The following MAP4K3 variants were observed in gnomAD, a reference collection of about 807,000 sequenced individuals.
The protein encoded by MAP4K3 is MAPK/ERK kinase kinase kinase 3.
A neutral mutation model predicts 143.5 loss-of-function variants in MAP4K3; 94 were observed. The observed-to-expected ratio is 0.65, with a 90% CI of 0.55 to 0.78. The LOEUF (loss-of-function observed/expected upper bound fraction) is 0.78. Ranked by LOEUF, MAP4K3 falls within the 30% of genes least tolerant of loss-of-function variation. The pLI is 0.00. For synonymous variants in MAP4K3, 416 were observed against 347.2 expected (o/e 1.20, Z -2.20); for missense variants, 1,077 against 1,068.1 (o/e 1.01, Z -0.12).
chr2:39,401,270 T>C (rs1446861699), intron 1 of MAP4K3, among the ~76,000 whole-genome samples: 1 of 152,052 alleles, frequency 6.6e-6, no homozygotes, highest in Non-Finnish European at 1.5e-5. Flanking sequence ...CCAATCCCCA[T>C]ATCCTTGTGA....
rs979288002 is a variant in MAP4K3 at position 39,273,153 on chromosome 2, C to A, written c.1795-611G>T. On this transcript the variant is annotated intron_variant, in intron 24 of 33. Coordinates refer to ENST00000263881, the MANE Select transcript of MAP4K3 (RefSeq NM_003618.4). ...GCCTGAAAGTGGTCACAACTTAGAG[C>A]AAAGAAAAAGGAATTTCATGGAACA... is the stretch of plus-strand genomic sequence containing the variant. Among the ~76,000 whole-genome samples, 5 of 151,788 alleles carry A rather than the reference C, an allele frequency of 3.3e-5. 1 individual carries two copies. Among genetic ancestry groups the A allele is most frequent in the Admixed American group, 2.0e-4 (3 of 15,244 alleles).
At position 39,369,193 on chromosome 2, in the gene MAP4K3, G is replaced by GTTTTTTTTTTTTTTTT. The variant is rs1553419595; in HGVS notation, c.154+8872_154+8873insAAAAAAAAAAAAAAAA. Among the ~76,000 whole-genome samples the GTTTTTTTTTTTTTTTT allele has an allele frequency of 1.7e-3, 64 of 37,928 alleles. 2 individuals carry two copies. Among genetic ancestry groups the GTTTTTTTTTTTTTTTT allele is most frequent in the East Asian group, 0.014 (13 of 938 alleles). The allele number at this position is 37,928 out of a possible 152,430, so 24.9% of individuals were successfully genotyped here. The stretch of plus-strand genomic sequence containing the variant: ...GGGTAAAATCTAAACCTTTGGGCTA[G>GTTTTTTTTTTTTTTTT]TTTTTTTTTTTGTTTTTTTTGAGAT... On this transcript the variant is annotated intron_variant, in intron 2 of 33. Coordinates refer to ENST00000263881, the MANE Select transcript of MAP4K3 (RefSeq NM_003618.4).
chr2:39,379,461 T>C (rs372710072), intron 1 of MAP4K3, among the ~76,000 whole-genome samples: 61 of 152,180 alleles, frequency 4.0e-4, no homozygotes, highest in African/African-American at 1.3e-3. Context: ...GGGATAGATG[T>C]TTCAAATAGA....
chr2:39,256,904 C>G (rs980853761), intron 31 of MAP4K3, among the ~76,000 whole-genome samples: 1 of 152,198 alleles, frequency 6.6e-6, no homozygotes, highest in Admixed American at 6.5e-5. Context: ...TGGAGCCCAG[C>G]AGGCCTGTTA....
intron 1 of MAP4K3, among the ~76,000 whole-genome samples, chr2:39,435,343 T>A (rs1251527763): frequency 6.6e-6 from 1 of 152,192 alleles, no homozygotes; most frequent in Non-Finnish European, 1.5e-5. Flanking sequence ...GATCTCCTAA[T>A]GAGAACTAAG....
At chr2:39,426,067 A>C (rs1665069102) in intron 1 of MAP4K3, among the ~76,000 whole-genome samples, 1 of 152,216 alleles carries the variant, frequency 6.6e-6, no homozygotes, top group African/African-American at 2.4e-5. Context: ...ATAGTGAAGA[A>C]ACTTGGCACA....
chr2:39,319,539 C>T (rs1398417246), intron 12 of MAP4K3, among the ~76,000 whole-genome samples: 1 of 152,044 alleles, frequency 6.6e-6, no homozygotes, highest in East Asian at 1.9e-4. Flanking sequence ...CCCTTGTGTA[C>T]GTCAAGGGAC....
chr2:39,304,912 A>G (rs1682644411), intron 15 of MAP4K3, among the ~76,000 whole-genome samples: 1 of 152,228 alleles, frequency 6.6e-6, no homozygotes, highest in Non-Finnish European at 1.5e-5. Flanking sequence ...AACACGGAGG[A>G]ACCCTGAAGG....
chr2:39,276,602 G>A (rs1681263854), intron 24 of MAP4K3, among the ~76,000 whole-genome samples: 1 of 152,176 alleles, frequency 6.6e-6, no homozygotes, highest in African/African-American at 2.4e-5. Flanking sequence ...TTTCTCATCC[G>A]TGAAGTGAGA....
chr2:39,331,799 C>A, intron 8 of MAP4K3, 118 bp downstream of exon 8: 1 of 539,842 alleles, frequency 1.9e-6, no homozygotes, highest in South Asian at 4.6e-5. Flanking sequence ...ATTACTTTGC[C>A]TGTTGATGAC....
intron 16 of MAP4K3, among the ~76,000 whole-genome samples, chr2:39,296,876 C>T (rs1223511350): frequency 6.6e-6 from 1 of 152,146 alleles, no homozygotes; most frequent in Admixed American, 6.5e-5. Context: ...TCCATTTCAT[C>T]CTTAGCACCC....
chr2:39,292,956 G>GA, intron 17 of MAP4K3, 130 bp from the exon 18 acceptor site: 2 of 782,148 alleles, frequency 2.6e-6, no homozygotes, highest in Admixed American at 5.3e-5. Flanking sequence ...GGATAGGATA[G>GA]ATTCAGAATT....
chr2:39,366,333 G>C (rs1665923013), intron 2 of MAP4K3, among the ~76,000 whole-genome samples: 1 of 152,138 alleles, frequency 6.6e-6, no homozygotes, highest in Admixed American at 6.5e-5. Flanking sequence ...TTTTCTGATT[G>C]GCAATTGGTT....
intron 1 of MAP4K3, among the ~76,000 whole-genome samples, chr2:39,417,885 G>C (rs931542541): frequency 6.6e-6 from 1 of 152,056 alleles, no homozygotes; most frequent in African/African-American, 2.4e-5. Flanking sequence ...AAAGCATCTT[G>C]CAGTGCCAGA....
intron 3 of MAP4K3, among the ~76,000 whole-genome samples, chr2:39,350,408 A>C (rs910702649): frequency 3.9e-5 from 6 of 152,132 alleles, no homozygotes; most frequent in Non-Finnish European, 8.8e-5. Context: ...AATACAGAGA[A>C]CTCTGTACTA....
chr2:39,429,726 G>A (rs1379687930), intron 1 of MAP4K3, among the ~76,000 whole-genome samples: 1 of 152,114 alleles, frequency 6.6e-6, no homozygotes, highest in Non-Finnish European at 1.5e-5. Flanking sequence ...TCAAAAATTT[G>A]TATGGAAAAG....
At chr2:39,380,707 T>C (rs1026320862) in intron 1 of MAP4K3, among the ~76,000 whole-genome samples, 2 of 152,198 alleles carry the variant, frequency 1.3e-5, no homozygotes, top group Non-Finnish European at 2.9e-5. Context: ...TGTTCTTGAC[T>C]TATAACTCTG....
chr2:39,306,166 G>C (rs766345554), intron 15 of MAP4K3, among the ~76,000 whole-genome samples: 2 of 152,124 alleles, frequency 1.3e-5, no homozygotes, highest in Non-Finnish European at 2.9e-5. Context: ...TTCCAGTTTT[G>C]TTGTTATCTT....
chr2:39,287,170 C>A lies in MAP4K3; in HGVS notation c.1475-206G>T, dbSNP rs147732596. 7.6e-4 allele frequency among the ~76,000 whole-genome samples: 115 copies of A among 152,126 alleles called. No individual in the cohort carries two copies. The East Asian group carries it at 0.014, about 19-fold the overall frequency. Reference sequence around the variant, plus strand: ...ATACCTCTATTTCTGGCATATTAGGCAAATTTAAATTCAGGTTGTGTATAA... The same window carrying A: ...ATACCTCTATTTCTGGCATATTAGGAAAATTTAAATTCAGGTTGTGTATAA... On this transcript the variant is annotated intron_variant, in intron 20 of 33. Coordinates refer to ENST00000263881, the MANE Select transcript of MAP4K3 (RefSeq NM_003618.4).
Sources: gnomAD v4.1 joint callset for allele counts (sites outside exome capture counted in the v4.1 genomes callset) on GRCh38, gnomAD v4.1.1 for gene constraint, MANE v1.5 for transcripts, NCBI Gene and HGNC (gene_info 2026-07-23, HGNC 2026-07-21) for gene names.